TPRG1: variants seen among roughly 807,000 people sequenced by gnomAD.
TPRG1 encodes the protein tumor protein p63 regulated 1, also known as tumor protein p63-regulated gene 1 protein.
Under a neutral mutation model 29.3 loss-of-function variants are expected in TPRG1, and 29 were observed. That is an observed-to-expected ratio of 0.99 (90% CI 0.74 to 1.35). The LOEUF is 1.35. Ranked by LOEUF, TPRG1 falls within the 40% of genes most tolerant of loss-of-function variation. TPRG1 has a pLI of 0.00. For missense variants in TPRG1, 327 were observed against 335.0 expected (o/e 0.98, Z 0.19); for synonymous variants, 130 against 116.8 (o/e 1.11, Z -0.73).
intron 4 of TPRG1, among the ~76,000 whole-genome samples, chr3:189,027,456 G>C (rs985997957): frequency 6.6e-6 from 1 of 152,134 alleles, no homozygotes; most frequent in Non-Finnish European, 1.5e-5. Flanking sequence ...CATTCAACTT[G>C]AACAACCAGA....
chr3:189,150,676 G>A (rs944721007), exon 5 of TPRG1: 2 of 152,150 alleles, frequency 1.3e-5, no homozygotes, highest in African/African-American at 4.8e-5. Context: ...ATTCATCTGG[G>A]CACTGAAGAC....
intron 4 of TPRG1, among the ~76,000 whole-genome samples, chr3:189,290,843 T>TTG (rs1418354400): frequency 6.6e-6 from 1 of 152,146 alleles, no homozygotes. Flanking sequence ...TTTTCTAAGA[T>TTG]TGTGTGACTG....
intron 4 of TPRG1, among the ~76,000 whole-genome samples, chr3:189,270,118 CA>C (rs1714849477): frequency 6.7e-6 from 1 of 150,072 alleles, no homozygotes. Flanking sequence ...GTCCGATCTT[CA>C]GAAATAAAAT....
At chr3:189,082,259 C>T (rs945718263) in intron 4 of TPRG1, among the ~76,000 whole-genome samples, 1 of 152,186 alleles carries the variant, frequency 6.6e-6, no homozygotes, top group African/African-American at 2.4e-5. Context: ...GCTTTGCCAT[C>T]TCTTGCCTGC....
intron 1 of TPRG1, among the ~76,000 whole-genome samples, chr3:189,174,973 G>T (rs1560514096): frequency 6.6e-6 from 1 of 152,158 alleles, no homozygotes; most frequent in Non-Finnish European, 1.5e-5. Flanking sequence ...CTAGCTTAAT[G>T]ATATGTTTTC....
intron 1 of TPRG1, chr3:189,123,501 A>G (rs1722070243): frequency 6.6e-6 from 1 of 152,222 alleles, no homozygotes; most frequent in Non-Finnish European, 1.5e-5. Flanking sequence ...CTGCTACCCA[A>G]TCTGTTTCAT....
At chr3:189,288,278 A>G (rs1205687454) in intron 4 of TPRG1, among the ~76,000 whole-genome samples, 1 of 152,256 alleles carries the variant, frequency 6.6e-6, no homozygotes, top group Non-Finnish European at 1.5e-5. Flanking sequence ...ATAAACTAAT[A>G]TAACAAAGTC....
chr3:189,271,583 G>A (rs563400271), intron 4 of TPRG1, among the ~76,000 whole-genome samples: 2 of 152,332 alleles, frequency 1.3e-5, no homozygotes, highest in Non-Finnish European at 2.9e-5. Flanking sequence ...GCATGCGTAA[G>A]TTTTACATTG....
At chr3:189,109,045 G>A (rs996925650) in intron 1 of TPRG1, among the ~76,000 whole-genome samples, 3 of 151,852 alleles carry the variant, frequency 2.0e-5, no homozygotes, top group Non-Finnish European at 2.9e-5. Flanking sequence ...AGAGTTTTGC[G>A]GAGAAGGTAA....
At chr3:189,265,983 G>A (rs1428434352) in intron 4 of TPRG1, among the ~76,000 whole-genome samples, 1 of 152,148 alleles carries the variant, frequency 6.6e-6, no homozygotes, top group African/African-American at 2.4e-5. Flanking sequence ...TTGAATAGGA[G>A]AAGGGTTCCT....
At chr3:189,168,721 T>C (rs1036773096), upstream of TPRG1, among the ~76,000 whole-genome samples, 11 of 152,312 alleles carry the variant, frequency 7.2e-5, no homozygotes, top group Non-Finnish European at 1.3e-4. Flanking sequence ...CAGTATCTGT[T>C]CATTGTCATT....
intron 4 of TPRG1, among the ~76,000 whole-genome samples, chr3:189,246,072 T>C (rs1741334380): frequency 6.6e-6 from 1 of 152,192 alleles, no homozygotes; most frequent in South Asian, 2.1e-4. Context: ...ATAATCCCCA[T>C]GTGTCGTGGG....
intron 5 of TPRG1, chr3:189,151,176 C>T (rs1251017920): frequency 6.6e-6 from 1 of 152,018 alleles, no homozygotes; most frequent in African/African-American, 2.4e-5. Context: ...CTGTGCAAAA[C>T]ACTTCAGATG....
At chr3:189,125,821 G>T (rs1224947278) in intron 1 of TPRG1, among the ~76,000 whole-genome samples, 2 of 50,450 alleles carry the variant, frequency 4.0e-5, no homozygotes, top group African/African-American at 4.8e-4. Flanking sequence ...TTTTGTGTGT[G>T]TGTGTGTGTG....
chr3:189,278,261 G>A (rs2109120472), intron 4 of TPRG1, among the ~76,000 whole-genome samples: 1 of 152,286 alleles, frequency 6.6e-6, no homozygotes, highest in South Asian at 2.1e-4. Context: ...TATTGCCTGG[G>A]TTATCAGGTG....
At chr3:189,101,624 T>G (rs1430642241) in intron 1 of TPRG1, among the ~76,000 whole-genome samples, 1 of 152,118 alleles carries the variant, frequency 6.6e-6, no homozygotes, top group Non-Finnish European at 1.5e-5. Context: ...TCCTTGACTT[T>G]CAGAAACTTC....
chr3:189,092,311 A>G (rs1718386868), intron 4 of TPRG1, among the ~76,000 whole-genome samples: 1 of 152,158 alleles, frequency 6.6e-6, no homozygotes, highest in African/African-American at 2.4e-5. Context: ...GCCTCTAACA[A>G]GCTCCCAGGT....
chr3:189,003,249 C>T (rs1712121030), intron 2 of TPRG1, among the ~76,000 whole-genome samples: 1 of 152,076 alleles, frequency 6.6e-6, no homozygotes, highest in Non-Finnish European at 1.5e-5. Flanking sequence ...GTGCCAGTGT[C>T]ATCCATTAGG....
chr3:189,050,433 A>C (rs1307218394), intron 4 of TPRG1, among the ~76,000 whole-genome samples: 1 of 152,206 alleles, frequency 6.6e-6, no homozygotes, highest in Non-Finnish European at 1.5e-5. Context: ...GCAGGTTTGA[A>C]ATGGTAATTT....
Sources: allele counts gnomAD v4.1 joint callset (sites outside exome capture counted in the v4.1 genomes callset), GRCh38; gene constraint gnomAD v4.1.1; transcripts MANE v1.5; gene names NCBI Gene and HGNC (gene_info 2026-07-23, HGNC 2026-07-21).